The following DNMT3B variants were observed in gnomAD, a reference collection of about 807,000 sequenced individuals.
DNMT3B encodes the protein DNA methyltransferase 3 beta.
Under a neutral mutation model 120.2 loss-of-function variants are expected in DNMT3B, and 37 were observed. The ratio of observed to expected loss-of-function variants is 0.31; its 90% CI spans 0.24 to 0.40. The LOEUF is 0.40. Ranked by LOEUF, DNMT3B falls within the 10% of genes least tolerant of loss-of-function variation. The pLI is 1.00. For missense variants in DNMT3B, 878 were observed against 1,137.3 expected (o/e 0.77, Z 3.28); for synonymous variants, 412 against 442.8 (o/e 0.93, Z 0.87).
Position 32,800,231 on chromosome 20 carries a change from T to C in DNMT3B, c.1838T>C (p.Val613Ala), listed in dbSNP as rs1568857280. 9.3e-6 allele frequency: 15 copies of C among 1,614,168 alleles called. No homozygotes were observed. The highest frequency in any genetic ancestry group is 1.2e-5 in the Non-Finnish European group (14 of 1,180,018). Residue 613 changes from valine to alanine, a missense_variant, in exon 17 of 23, where the codon GTT becomes GCT. By Grantham distance (64) the Val-to-Ala change is moderately conservative. Transcript: ENST00000328111. The part of the protein sequence containing the change: ...ASEVCEESIA[V>A]GTVKHEGNIK... ...GAAGTGTGTGAGGAGTCCATTGCTG[T>C]TGGAACCGTGAAGCACGAGGGGAAT...
intron 1 of DNMT3B, among the ~76,000 whole-genome samples, chr20:32,764,943 C>G (rs1256160877): frequency 6.6e-6 from 1 of 152,202 alleles, no homozygotes; most frequent in Non-Finnish European, 1.5e-5. Context: ...TGTCGCCCCT[C>G]ATTATTGCAG....
At chr20:32,790,325 C>T (rs922494240) in intron 7 of DNMT3B, among the ~76,000 whole-genome samples, 2 of 152,190 alleles carry the variant, frequency 1.3e-5, no homozygotes, top group African/African-American at 4.8e-5. Flanking sequence ...TTTGCAATTG[C>T]TTTGCCCCAT....
intron 21 of DNMT3B, 145 bp from the exon 22 acceptor site, chr20:32,806,064 T>C (rs977287751): frequency 1.9e-5 from 15 of 802,750 alleles, no homozygotes; most frequent in Non-Finnish European, 3.1e-5. Flanking sequence ...CCCTTCCATC[T>C]TTCCCAGGTA....
intron 8 of DNMT3B, 124 bp downstream of exon 8, chr20:32,791,832 T>A: frequency 9.9e-7 from 1 of 1,009,342 alleles, no homozygotes; most frequent in Non-Finnish European, 1.5e-6. Flanking sequence ...AGGGAGGAGG[T>A]AAATGACAAC....
intron 1 of DNMT3B, among the ~76,000 whole-genome samples, chr20:32,776,573 C>T (rs7264790): frequency 6.6e-6 from 1 of 152,102 alleles, no homozygotes; most frequent in Non-Finnish European, 1.5e-5. Context: ...TTTACTTTCC[C>T]TATATATTGA....
chr20:32,796,976 C>T, intron 13 of DNMT3B, 107 bp downstream of exon 13: 1 of 1,613,496 alleles, frequency 6.2e-7, no homozygotes, highest in Non-Finnish European at 8.5e-7. Context: ...CCACTCATCC[C>T]AGCTGCCTTG....
chr20:32,795,381 A>G lies in DNMT3B; in HGVS notation c.1127-28A>G, dbSNP rs541780799. On this transcript the variant is annotated intron_variant, in intron 10 of 22. Coordinates refer to ENST00000328111, the MANE Select transcript of DNMT3B (RefSeq NM_006892.4). ...TCTCTCTGGACCCTCCTACCAAGCC[A>G]CGGCTGCAGTCTAATTACCTTTCAC... 51 of 1,613,668 alleles carry G rather than the reference A, an allele frequency of 3.2e-5. No homozygotes were observed. The South Asian group carries it at 4.8e-4, about 15-fold the overall frequency.
chr20:32,776,912 G>T (rs143996788), intron 1 of DNMT3B, among the ~76,000 whole-genome samples: 76 of 151,284 alleles, frequency 5.0e-4, no homozygotes, highest in African/African-American at 1.8e-3. Flanking sequence ...AGGCTAGATT[G>T]TCTTGGCCTG....
chr20:32,803,443 G>C (rs1981598888), intron 20 of DNMT3B, among the ~76,000 whole-genome samples: 1 of 152,206 alleles, frequency 6.6e-6, no homozygotes, highest in Admixed American at 6.5e-5. Flanking sequence ...CGTGTACTTG[G>C]CTAAGCAGCC....
chr20:32,794,823 A>C (rs1044110365), intron 10 of DNMT3B, among the ~76,000 whole-genome samples: 1 of 152,234 alleles, frequency 6.6e-6, no homozygotes, highest in African/African-American at 2.4e-5. Flanking sequence ...TACAGATCTC[A>C]ATTTTGATGC....
intron 9 of DNMT3B, 150 bp downstream of exon 9, chr20:32,792,920 C>T (rs1194254762): frequency 1.9e-5 from 23 of 1,235,416 alleles, no homozygotes; most frequent in South Asian, 1.4e-4. Flanking sequence ...AGCAGGCATA[C>T]GAAGGCTGTG....
rs1267005037 is a variant in DNMT3B at position 32,798,406 on chromosome 20, G to A, written c.1491-54G>A. 5 of 1,607,526 alleles carry A rather than the reference G, an allele frequency of 3.1e-6. No homozygotes were observed. In the South Asian group the frequency reaches 4.4e-5, roughly 14 times the overall value. Reference sequence around the variant, plus strand: ...TCCCTGTGGAAGTGGTAAGGGGGTGGCACAGGAGACCAGCTCTGACAAAGG... The same window carrying A: ...TCCCTGTGGAAGTGGTAAGGGGGTGACACAGGAGACCAGCTCTGACAAAGG... On this transcript the variant is annotated intron_variant, in intron 14 of 22. Coordinates refer to ENST00000328111, the MANE Select transcript of DNMT3B (RefSeq NM_006892.4).
rs930323757 is a variant in DNMT3B at position 32,793,442 on chromosome 20, T to C, written c.1067-94T>C. 3 of 1,419,866 alleles carry C rather than the reference T, an allele frequency of 2.1e-6. No homozygotes were observed. The African/African-American group carries it at 4.2e-5, about 20-fold the overall frequency. 88.0% of individuals were successfully genotyped at this position (1,419,866 alleles called of 1,614,324 possible). On this transcript the variant is annotated intron_variant, in intron 9 of 22. Coordinates refer to ENST00000328111, the MANE Select transcript of DNMT3B (RefSeq NM_006892.4). The stretch of plus-strand genomic sequence containing the variant: ...GAGATCGCACCACTGCATTCAAGCC[T>C]GGGTGACAGAGCAAGACCTTGTCTC...
At chr20:32,803,588 G>A (rs1375142808) in intron 20 of DNMT3B, among the ~76,000 whole-genome samples, 1 of 152,214 alleles carries the variant, frequency 6.6e-6, no homozygotes, top group Non-Finnish European at 1.5e-5. Context: ...GTGACATGCC[G>A]AAGGGGGAGG....
intron 4 of DNMT3B, among the ~76,000 whole-genome samples, chr20:32,785,259 C>T (rs1418545464): frequency 3.3e-5 from 5 of 152,198 alleles, no homozygotes; most frequent in South Asian, 2.1e-4. Flanking sequence ...AGGCTGGTCT[C>T]GAACTCTTGA....
rs759270839 is a variant in DNMT3B, at chr20:32,795,540, T to G, written c.1252+6T>G. ...GGATGAAGATCAGAGCCGAGGTGAT[T>G]GTTGGGTACCTGGGATCATGGGACA... is the stretch of plus-strand genomic sequence containing the variant. On this transcript the variant is annotated splice_donor_region_variant and intron_variant, in intron 11 of 22. Coordinates refer to ENST00000328111, the MANE Select transcript of DNMT3B (RefSeq NM_006892.4). 9 of 1,614,138 alleles carry G rather than the reference T, an allele frequency of 5.6e-6. No homozygotes were observed. Among genetic ancestry groups the G allele is most frequent in the South Asian group, 1.1e-5 (1 of 91,084 alleles).
At position 32,763,854 on chromosome 20, in the gene DNMT3B, G is replaced by A. The variant is rs539151502; in HGVS notation, c.-7+1155G>A. On this transcript the variant is annotated intron_variant, in intron 1 of 22. Coordinates refer to ENST00000328111, the MANE Select transcript of DNMT3B (RefSeq NM_006892.4). ...AGCTGGGAAGTGTTTGAATTAAAGG[G>A]AATTAAGGGCAGAGTATGAACTTTG... Among the ~76,000 whole-genome samples, 4 of 152,292 alleles carry A rather than the reference G, an allele frequency of 2.6e-5. No individual in the cohort carries two copies. In the South Asian group the frequency reaches 8.3e-4, roughly 32 times the overall value.
chr20:32,784,669 G>C lies in DNMT3B; in HGVS notation c.205-89G>C, dbSNP rs574922397. 67 of 1,414,760 alleles carry C rather than the reference G, an allele frequency of 4.7e-5. 1 individual carries two copies. The South Asian group carries it at 7.9e-4, about 17-fold the overall frequency. The allele number at this position is 1,414,760 out of a possible 1,614,324, so 87.6% of individuals were successfully genotyped here. On this transcript the variant is annotated intron_variant, in intron 3 of 22. Transcript: ENST00000328111. ...CCCGGTCTCCCTGCCAGGCACAGGC[G>C]ATCAGTCTTTCATATTGCAGGTGCC...
rs755542092 is a variant in DNMT3B at position 32,807,477 on chromosome 20, T to G, written c.2421-285T>G. ...AGTGTTTTGAAAATGGATACATTGCTGGCTGGCTGATTTAGTATGCATGCA... is the reference window on the plus strand; with the variant it reads ...AGTGTTTTGAAAATGGATACATTGCGGGCTGGCTGATTTAGTATGCATGCA... On this transcript the variant is annotated intron_variant, in intron 22 of 22. Coordinates refer to ENST00000328111, the MANE Select transcript of DNMT3B (RefSeq NM_006892.4). Among the ~76,000 whole-genome samples the G allele has an allele frequency of 2.2e-4, 33 of 152,234 alleles. 1 individual carries two copies. Among genetic ancestry groups the G allele is most frequent in the Non-Finnish European group, 4.3e-4 (29 of 68,050 alleles).
Sources: allele counts gnomAD v4.1 joint callset (sites outside exome capture counted in the v4.1 genomes callset), GRCh38; gene constraint gnomAD v4.1.1; transcripts MANE v1.5; gene names NCBI Gene and HGNC (gene_info 2026-07-23, HGNC 2026-07-21).